Variants in SCHIP1 observed in about 807,000 individuals in gnomAD.
SCHIP1 encodes the protein schwannomin-interacting protein 1.
SCHIP1 carries 8 observed loss-of-function variants against 29.7 expected under a neutral mutation model. That is an observed-to-expected ratio of 0.27 (90% CI 0.16 to 0.49). The LOEUF (loss-of-function observed/expected upper bound fraction) is 0.49. Among genes scored for constraint, SCHIP1 ranks in the 20% least tolerant of loss-of-function variants. The pLI is 0.99. For missense variants in SCHIP1, 193 were observed against 294.6 expected, an observed-to-expected ratio of 0.66 and a Z score of 2.52; for synonymous variants, 76 against 94.9, an observed-to-expected ratio of 0.80 and a Z score of 1.16.
chr3:159,827,237 C>T, the SCHIP1 span, among the ~76,000 whole-genome samples: 2 of 152,186 alleles, frequency 1.3e-5, no homozygotes, highest in Non-Finnish European at 2.9e-5. Flanking sequence ...CGCTGCTTAA[C>T]TCGCCCTAGA....
chr3:159,894,880 T>C (rs1360694497), intron 6 of SCHIP1, among the ~76,000 whole-genome samples: 4 of 152,204 alleles, frequency 2.6e-5, no homozygotes, highest in African/African-American at 9.7e-5. Context: ...TCTCAAAAAA[T>C]TACCCAGCTT....
At chr3:159,623,578 A>G in the SCHIP1 span, among the ~76,000 whole-genome samples, 1 of 152,180 alleles carries the variant, frequency 6.6e-6, no homozygotes, top group South Asian at 2.1e-4. Context: ...GTGAGCTGAG[A>G]TCGTGCCACT....
chr3:159,444,355 G>A, the SCHIP1 span, among the ~76,000 whole-genome samples: 1 of 152,102 alleles, frequency 6.6e-6, no homozygotes, highest in Non-Finnish European at 1.5e-5. Flanking sequence ...TGGACCTGCA[G>A]TTAGAGAATG....
chr3:159,851,965 T>C (rs972566164), intron 1 of SCHIP1, among the ~76,000 whole-genome samples: 4 of 152,200 alleles, frequency 2.6e-5, no homozygotes, highest in African/African-American at 7.2e-5. Flanking sequence ...GGTGGGGCAA[T>C]GAGAATGGAG....
chr3:159,639,740 C>A, the SCHIP1 span, among the ~76,000 whole-genome samples: 1 of 152,112 alleles, frequency 6.6e-6, no homozygotes, highest in South Asian at 2.1e-4. Context: ...AGCCTCTCCA[C>A]GTAGTTTGGA....
At chr3:159,430,253 A>C in the SCHIP1 span, among the ~76,000 whole-genome samples, 1 of 152,178 alleles carries the variant, frequency 6.6e-6, no homozygotes, top group Admixed American at 6.6e-5. Flanking sequence ...ATTAACCACC[A>C]ATTAAATTTG....
chr3:159,665,546 T>TTGTGTGTGTG, the SCHIP1 span, among the ~76,000 whole-genome samples: 868 of 147,550 alleles, frequency 5.9e-3, 10 homozygotes, highest in African/African-American at 0.02. Context: ...GTTTTTGGGG[T>TTGTGTGTGTG]TGTGTGTGTG....
At chr3:159,840,078 G>C in exon 1 of SCHIP1, 2 of 1,521,824 alleles carry the variant, frequency 1.3e-6, no homozygotes, top group Non-Finnish European at 8.8e-7. Flanking sequence ...GGGAGCCCCT[G>C]CCTTACCAGG....
chr3:159,762,570 A>G, the SCHIP1 span, among the ~76,000 whole-genome samples: 2 of 152,374 alleles, frequency 1.3e-5, no homozygotes, highest in East Asian at 3.9e-4. Flanking sequence ...CTGGAAGTTC[A>G]GAGAAATTGG....
the SCHIP1 span, among the ~76,000 whole-genome samples, chr3:159,437,798 T>C: frequency 6.6e-6 from 1 of 152,154 alleles, no homozygotes; most frequent in South Asian, 2.1e-4. Flanking sequence ...ATGATTAAAG[T>C]TGAGACTAAA....
chr3:159,798,089 ACT>A, the SCHIP1 span, among the ~76,000 whole-genome samples: 1 of 152,052 alleles, frequency 6.6e-6, no homozygotes, highest in Non-Finnish European at 1.5e-5. Context: ...AGCATGAATA[ACT>A]CTATTTTGGT....
chr3:159,768,110 G>A, the SCHIP1 span, among the ~76,000 whole-genome samples: 2 of 152,106 alleles, frequency 1.3e-5, no homozygotes, highest in South Asian at 4.2e-4. Context: ...TATGAACAGG[G>A]TTTTGTTCTT....
chr3:159,376,249 G>A, the SCHIP1 span, among the ~76,000 whole-genome samples: 1 of 152,140 alleles, frequency 6.6e-6, no homozygotes, highest in Admixed American at 6.6e-5. Context: ...CTACCATCCA[G>A]CATACAGCTT....
At chr3:159,795,467 A>G in the SCHIP1 span, among the ~76,000 whole-genome samples, 1 of 152,176 alleles carries the variant, frequency 6.6e-6, no homozygotes, top group Non-Finnish European at 1.5e-5. Context: ...TGTTGGCTCA[A>G]TTTCCAGATG....
chr3:159,736,883 C>T, the SCHIP1 span, among the ~76,000 whole-genome samples: 3 of 152,136 alleles, frequency 2.0e-5, no homozygotes, highest in East Asian at 1.9e-4. Flanking sequence ...TACAGGCACC[C>T]GCCACCACGC....
the SCHIP1 span, among the ~76,000 whole-genome samples, chr3:159,672,405 G>A: frequency 6.6e-6 from 1 of 152,206 alleles, no homozygotes; most frequent in Non-Finnish European, 1.5e-5. Context: ...CTCTTCACAT[G>A]GGTGCTGCTA....
At chr3:159,612,003 T>G in the SCHIP1 span, among the ~76,000 whole-genome samples, 2 of 152,176 alleles carry the variant, frequency 1.3e-5, no homozygotes, top group Non-Finnish European at 2.9e-5. Flanking sequence ...TATTAATTAT[T>G]CCAGGTAAGA....
the SCHIP1 span, among the ~76,000 whole-genome samples, chr3:159,557,020 C>A: frequency 8.3e-3 from 1,254 of 151,508 alleles, 12 homozygotes; most frequent in African/African-American, 0.029. Context: ...TGCAGTGGCA[C>A]GATCTCGGCT....
intron 2 of SCHIP1, among the ~76,000 whole-genome samples, chr3:159,882,226 A>G (rs957755641): frequency 3.3e-5 from 5 of 152,200 alleles, no homozygotes; most frequent in Non-Finnish European, 5.9e-5. Context: ...CTGAGTAACT[A>G]TATCTTGCCT....
Sources: allele counts gnomAD v4.1 joint callset (sites outside exome capture counted in the v4.1 genomes callset), GRCh38; gene constraint gnomAD v4.1.1; transcripts MANE v1.5; gene names NCBI Gene and HGNC (gene_info 2026-07-23, HGNC 2026-07-21).